SLC16A2: variants seen among roughly 807,000 people sequenced by gnomAD.
The protein encoded by SLC16A2 is monocarboxylate transporter 8.
In SLC16A2, 3 loss-of-function variants were observed where a neutral mutation model predicts 27.2. That is an observed-to-expected ratio of 0.11 (90% CI 0.05 to 0.28). The LOEUF (loss-of-function observed/expected upper bound fraction) is 0.28, where lower values mean the gene tolerates loss of function less well. Ranked by LOEUF, SLC16A2 falls within the 10% of genes least tolerant of loss-of-function variation. SLC16A2 has a pLI of 1.00. For synonymous variants in SLC16A2, 202 were observed against 187.8 expected, an observed-to-expected ratio of 1.08 and a Z score of -0.62; for missense variants, 295 against 458.5, an observed-to-expected ratio of 0.64 and a Z score of 3.26.
chrX:74,483,254 A>G (rs1033188321), intron 1 of SLC16A2, among the ~76,000 whole-genome samples: 1 of 111,391 alleles, frequency 9.0e-6, no homozygotes, highest in Non-Finnish European at 1.9e-5. Flanking sequence ...TGGATGATCT[A>G]TCTCTAATAA....
chrX:74,521,097 G>A lies in SLC16A2; in HGVS notation c.538G>A (p.Val180Ile), dbSNP rs759933264. The A allele has an allele frequency of 1.5e-4, 179 of 1,210,501 alleles. 2 individuals carry two copies. In the Admixed American group the frequency reaches 2.3e-3, roughly 16 times the overall value. The change falls in exon 2 of 6, where the codon GTT becomes ATT. Residue 180 changes from valine (V) to isoleucine (I), a missense_variant. Around this residue, in one of 3 missense-constraint regions of SLC16A2, gnomAD observed 59 missense variants for 153.6 expected, o/e 0.38. Transcript: ENST00000587091. Reference protein sequence around the residue: ...CRITATAGAAVAFIGLHTSSF... With the variant: ...CRITATAGAAIAFIGLHTSSF... ...AATCACAGCAACCGCGGGGGCTGCC[G>A]TTGCTTTCATTGGCCTCCATACCAG...
chrX:74,480,440 C>A (rs1312048151), intron 1 of SLC16A2, among the ~76,000 whole-genome samples: 1 of 112,732 alleles, frequency 8.9e-6, no homozygotes, highest in African/African-American at 3.2e-5. Flanking sequence ...TTGCATGAGG[C>A]AAAGCCTCGC....
chrX:74,522,485 T>C (rs1312462070), intron 2 of SLC16A2, among the ~76,000 whole-genome samples: 1 of 111,764 alleles, frequency 8.9e-6, no homozygotes, highest in Non-Finnish European at 1.9e-5. Flanking sequence ...ACCCCTCTGG[T>C]GGTCAGCCTC....
At chrX:74,488,993 T>A (rs1483431238) in intron 1 of SLC16A2, among the ~76,000 whole-genome samples, 1 of 112,062 alleles carries the variant, frequency 8.9e-6, no homozygotes, top group Non-Finnish European at 1.9e-5. Context: ...TATTTATTAA[T>A]AACCTTAGAT....
chrX:74,470,571 T>C (rs1929335952), intron 1 of SLC16A2, among the ~76,000 whole-genome samples: 1 of 112,158 alleles, frequency 8.9e-6, no homozygotes, highest in Non-Finnish European at 1.9e-5. Flanking sequence ...TCATGACATA[T>C]GATATTGAGC....
intron 1 of SLC16A2, among the ~76,000 whole-genome samples, chrX:74,453,986 A>G (rs1185028173): frequency 1.8e-5 from 2 of 111,934 alleles, no homozygotes; most frequent in Non-Finnish European, 3.8e-5. Flanking sequence ...TCAAACATTT[A>G]TCATTTCTTC....
At chrX:74,441,092 C>G (rs1928738146) in intron 1 of SLC16A2, among the ~76,000 whole-genome samples, 1 of 108,685 alleles carries the variant, frequency 9.2e-6, no homozygotes, top group Non-Finnish European at 1.9e-5. Context: ...GAGTCTGTCT[C>G]TGTCGCCCAG....
At chrX:74,514,960 C>A (rs1044931288) in intron 1 of SLC16A2, among the ~76,000 whole-genome samples, 1 of 111,546 alleles carries the variant, frequency 9.0e-6, no homozygotes, top group South Asian at 3.8e-4. Flanking sequence ...TAAATAAGAT[C>A]CAGAGTCTCA....
intron 1 of SLC16A2, among the ~76,000 whole-genome samples, chrX:74,464,035 G>A (rs1929204973): frequency 8.9e-6 from 1 of 112,214 alleles, no homozygotes; most frequent in African/African-American, 3.2e-5. Context: ...GAATTATACA[G>A]TATTTACTCT....
At chrX:74,427,971 A>C (rs1928445387) in intron 1 of SLC16A2, among the ~76,000 whole-genome samples, 1 of 111,313 alleles carries the variant, frequency 9.0e-6, no homozygotes, top group Admixed American at 9.5e-5. Flanking sequence ...CAAAGGAACC[A>C]GACTAAGAAG....
chrX:74,421,925 A>G lies in SLC16A2; in HGVS notation c.288A>G (p.Glu96=). ...RGTARGFQPP[E]GGFGWVVVFA... Reference sequence around the variant, plus strand: ...CCGCGCGCGGCTTCCAGCCTCCCGAAGGTGGCTTCGGCTGGGTGGTGGTGT... The same window carrying G: ...CCGCGCGCGGCTTCCAGCCTCCCGAGGGTGGCTTCGGCTGGGTGGTGGTGT... The change falls in exon 1 of 6, where the codon GAA becomes GAG. Residue 96 remains glutamate, a synonymous_variant. Transcript: ENST00000587091. 8.3e-7 allele frequency: 1 copy of G among 1,211,248 alleles called. No individual in the cohort carries two copies.
intron 1 of SLC16A2, among the ~76,000 whole-genome samples, chrX:74,471,508 A>C (rs977257255): frequency 3.6e-5 from 4 of 111,715 alleles, no homozygotes; most frequent in African/African-American, 6.5e-5. Context: ...TGAATTATTA[A>C]AGTTTTAAAT....
At chrX:74,500,293 G>T (rs1312382630) in intron 1 of SLC16A2, among the ~76,000 whole-genome samples, 1 of 111,284 alleles carries the variant, frequency 9.0e-6, no homozygotes, top group Non-Finnish European at 1.9e-5. Flanking sequence ...GGAACACAGG[G>T]CATTTGACCC....
intron 1 of SLC16A2, chrX:74,473,696 A>T: frequency 2.8e-6 from 3 of 1,054,247 alleles, no homozygotes; most frequent in Non-Finnish European, 3.9e-6. Context: ...CTTTGGTTCC[A>T]CAACTCTTCC....
At chrX:74,499,285 T>C (rs1487783336) in intron 1 of SLC16A2, among the ~76,000 whole-genome samples, 1 of 110,102 alleles carries the variant, frequency 9.1e-6, no homozygotes, top group African/African-American at 3.3e-5. Context: ...ATGTCTCTTA[T>C]CAGTTGCACC....
chrX:74,506,937 ATTTT>A (rs34001854), intron 1 of SLC16A2, among the ~76,000 whole-genome samples: 2 of 84,052 alleles, frequency 2.4e-5, no homozygotes, highest in African/African-American at 9.4e-5. Context: ...TTATTTATTT[ATTTT>A]TTTTTTTTTG....
rs764300394 is a variant in SLC16A2, at chrX:74,531,319, C to T, written c.1400-14C>T. 8.3e-7 allele frequency: 1 copy of T among 1,202,066 alleles called. No homozygotes were observed. Among genetic ancestry groups the T allele is most frequent in the East Asian group, 3.0e-5 (1 of 33,809 alleles). The stretch of plus-strand genomic sequence containing the variant: ...GCAAAGCTGAGCTTGACTTGTCTCT[C>T]TTGACTGTTTCAGGCCTACTCCGCA... On this transcript the variant is annotated splice_polypyrimidine_tract_variant and intron_variant, in intron 5 of 5. Transcript: ENST00000587091.
At position 74,443,762 on chromosome X, in the gene SLC16A2, A is replaced by T. The variant is rs1273714675; in HGVS notation, c.430+21695A>T. On this transcript the variant is annotated intron_variant, in intron 1 of 5. Coordinates refer to ENST00000587091, the MANE Select transcript of SLC16A2 (RefSeq NM_006517.5). Reference sequence around the variant, plus strand: ...TTTGTGTGCGTCCTTCTCTGAGTGCATGATACAGCTAGGAGGAGTTGCAGA... The same window carrying T: ...TTTGTGTGCGTCCTTCTCTGAGTGCTTGATACAGCTAGGAGGAGTTGCAGA... Among the ~76,000 whole-genome samples the T allele has an allele frequency of 2.7e-5, 3 of 112,181 alleles. No homozygotes were observed. The Admixed American group carries it at 2.8e-4, about 11-fold the overall frequency.
At chrX:74,510,003 C>A (rs1164920580) in intron 1 of SLC16A2, among the ~76,000 whole-genome samples, 1 of 112,097 alleles carries the variant, frequency 8.9e-6, no homozygotes, top group Non-Finnish European at 1.9e-5. Context: ...GTAATACTGG[C>A]CTTATAGAAT....
Sources: allele counts gnomAD v4.1 joint callset (sites outside exome capture counted in the v4.1 genomes callset), GRCh38; gene constraint gnomAD v4.1.1; regional missense constraint gnomAD v4.1.1; transcripts MANE v1.5; gene names NCBI Gene and HGNC (gene_info 2026-07-23, HGNC 2026-07-21).